Variants in TMEM132B observed in about 807,000 individuals in gnomAD.
The protein encoded by TMEM132B is transmembrane protein 132B.
Under a neutral mutation model 90.8 loss-of-function variants are expected in TMEM132B, and 18 were observed. The observed-to-expected ratio is 0.20, with a 90% CI of 0.14 to 0.29. The LOEUF is 0.29. Ranked by LOEUF, TMEM132B falls within the 10% of genes least tolerant of loss-of-function variation. The pLI is 1.00. For synonymous variants in TMEM132B, 504 were observed against 523.3 expected, an observed-to-expected ratio of 0.96 and a Z score of 0.50; for missense variants, 1,096 against 1,326.8, an observed-to-expected ratio of 0.83 and a Z score of 2.70.
chr12:125,260,913 C>T (rs923496105), intron 1 of TMEM132B, among the ~76,000 whole-genome samples: 2 of 123,686 alleles, frequency 1.6e-5, no homozygotes, highest in Non-Finnish European at 3.3e-5. Flanking sequence ...GAGACCCTGT[C>T]TCTACAGATT....
intron 1 of TMEM132B, among the ~76,000 whole-genome samples, chr12:125,221,010 C>T (rs184814643): frequency 1.3e-4 from 20 of 152,364 alleles, no homozygotes; most frequent in African/African-American, 3.8e-4. Context: ...GTGCGTGGCT[C>T]ATACCCTCAG....
chr12:125,201,620 T>C (rs138629740), intron 1 of TMEM132B, among the ~76,000 whole-genome samples: 2 of 152,236 alleles, frequency 1.3e-5, no homozygotes, highest in African/African-American at 4.8e-5. Context: ...TGGGTTTGAA[T>C]CCCAGCTCCA....
intron 1 of TMEM132B, among the ~76,000 whole-genome samples, chr12:125,276,979 A>G (rs1263411566): frequency 6.6e-6 from 1 of 152,174 alleles, no homozygotes; most frequent in Non-Finnish European, 1.5e-5. Context: ...TGCGATTTTA[A>G]CGTAGAGGTT....
In TMEM132B at chr12:125,490,702, G is replaced by A. The variant is rs778729990; in HGVS notation, c.1107-28737G>A. On this transcript the variant is annotated intron_variant, in intron 3 of 8. Transcript: ENST00000682704. This position sits in a 1 kb window ranked among gnomAD's most constrained non-coding sequence, Gnocchi z 4.2. ...AGGATGGTCTCGATCTCCTGACCTCGTGATCCGCCCGTCTTGGCCTCCCAA... is the reference window on the plus strand; with the variant it reads ...AGGATGGTCTCGATCTCCTGACCTCATGATCCGCCCGTCTTGGCCTCCCAA... Among the ~76,000 whole-genome samples the A allele has an allele frequency of 2.0e-5, 3 of 152,062 alleles. No individual in the cohort carries two copies. Among genetic ancestry groups the A allele is most frequent in the Non-Finnish European group, 4.4e-5 (3 of 68,020 alleles).
chr12:125,277,045 A>G lies in TMEM132B; in HGVS notation c.68-72407A>G, dbSNP rs61643282. On this transcript the variant is annotated intron_variant, in intron 1 of 8. Transcript: ENST00000682704. The surrounding 1 kb of genome is among the most constrained non-coding windows in gnomAD (Gnocchi z 4.3). The stretch of plus-strand genomic sequence containing the variant: ...GGGTACCGTGGGTTGAATTATGTCC[A>G]CCAAAACATATGTCCAAGTCCTAAC... Among the ~76,000 whole-genome samples, 377 of 152,316 alleles carry G rather than the reference A, an allele frequency of 2.5e-3. No homozygotes were observed. The highest frequency in any genetic ancestry group is 8.5e-3 in the African/African-American group (355 of 41,562).
chr12:125,361,375 C>T (rs908583321), intron 2 of TMEM132B, among the ~76,000 whole-genome samples: 2 of 152,152 alleles, frequency 1.3e-5, no homozygotes, highest in Admixed American at 6.5e-5. Flanking sequence ...CACTTCAAAG[C>T]TCATGCCTCT....
intron 1 of TMEM132B, among the ~76,000 whole-genome samples, chr12:125,298,678 A>AAG (rs1555237552): frequency 6.8e-6 from 1 of 147,844 alleles, no homozygotes; most frequent in African/African-American, 2.5e-5. Flanking sequence ...TGTCTCAAAA[A>AAG]AAAAAAAAAA....
At position 125,654,044 on chromosome 12, in the gene TMEM132B, G is replaced by A; in HGVS notation, c.2586G>A (p.Lys862=). The part of the protein sequence containing the change: ...STTPQSPMEG[K]NKLLKSGGPD... ...CCCCCCAGTCTCCCATGGAAGGGAA[G>A]AATAAGTTACTCAAAAGTGGTGGTC... The change falls in exon 9 of 9, where the codon AAG becomes AAA. Residue 862 remains lysine, a synonymous_variant. Coordinates refer to ENST00000682704, the MANE Select transcript of TMEM132B (RefSeq NM_001366854.1). This position sits in a 1 kb window ranked among gnomAD's most constrained non-coding sequence, Gnocchi z 5.8. 1.2e-6 allele frequency: 2 copies of A among 1,614,212 alleles called. No homozygotes were observed. The highest frequency in any genetic ancestry group is 1.7e-6 in the Non-Finnish European group (2 of 1,180,032).
chr12:125,461,656 T>C (rs1881438867), intron 3 of TMEM132B, among the ~76,000 whole-genome samples: 1 of 152,252 alleles, frequency 6.6e-6, no homozygotes, highest in South Asian at 2.1e-4. Flanking sequence ...CATTCCAGTT[T>C]GCAAACTTCA....
At chr12:125,296,982 G>A (rs1259407180) in intron 1 of TMEM132B, among the ~76,000 whole-genome samples, 1 of 152,246 alleles carries the variant, frequency 6.6e-6, no homozygotes, top group Admixed American at 6.5e-5. Flanking sequence ...GTCTGCACGA[G>A]CAGCTGTGAG....
intron 2 of TMEM132B, among the ~76,000 whole-genome samples, chr12:125,365,923 A>G (rs969412171): frequency 3.9e-5 from 6 of 152,090 alleles, no homozygotes; most frequent in African/African-American, 1.4e-4. Context: ...ATTGTTAACT[A>G]TAATTTCCCT....
intron 2 of TMEM132B, among the ~76,000 whole-genome samples, chr12:125,400,231 C>T (rs1879280588): frequency 6.6e-6 from 1 of 152,232 alleles, no homozygotes; most frequent in African/African-American, 2.4e-5. Context: ...CAAAGCTAGA[C>T]ACATAAGTTT....
intron 2 of TMEM132B, among the ~76,000 whole-genome samples, chr12:125,410,129 A>AGT (rs1566026587): frequency 4.3e-4 from 1 of 2,302 alleles, no homozygotes; most frequent in Non-Finnish European, 7.1e-4. Flanking sequence ...AGTGGAGTGG[A>AGT]GGAGTGGAGT....
chr12:125,547,631 C>T (rs747920433), intron 4 of TMEM132B, among the ~76,000 whole-genome samples: 4 of 152,094 alleles, frequency 2.6e-5, no homozygotes, highest in African/African-American at 9.7e-5. Context: ...CATTTGCCTC[C>T]CTGGTTTTGC....
Position 125,508,465 on chromosome 12 carries a change from G to A in TMEM132B, c.1107-10974G>A, listed in dbSNP as rs532394350. ...AAAATTGGCACTGATTGCAGTTGCA[G>A]CTGCCAACTAGCCCCTGGTAACCAG... is the stretch of plus-strand genomic sequence containing the variant. On this transcript the variant is annotated intron_variant, in intron 3 of 8. Transcript: ENST00000682704. Among the ~76,000 whole-genome samples, 3 of 152,322 alleles carry A rather than the reference G, an allele frequency of 2.0e-5. No homozygotes were observed. In the East Asian group the frequency reaches 5.8e-4, roughly 29 times the overall value.
chr12:125,563,147 GTAATAATAATAATAATAA>G lies in TMEM132B; in HGVS notation c.1294-20679_1294-20662del, dbSNP rs143547141. Reference sequence around the variant, plus strand: ...CAGTGATCACAGGTCACCATAATGCGTAATAATAATAATAATAATAATAATAATAATAATAATAATAAA... The same window carrying G: ...CAGTGATCACAGGTCACCATAATGCGTAATAATAATAATAATAATAATAAA... On this transcript the variant is annotated intron_variant, in intron 4 of 8. Transcript: ENST00000682704. Among the ~76,000 whole-genome samples the G allele has an allele frequency of 2.7e-4, 38 of 138,422 alleles. No homozygotes were observed. In the South Asian group the frequency reaches 6.4e-3, roughly 23 times the overall value. 90.8% of individuals were successfully genotyped at this position (138,422 alleles called of 152,430 possible).
intron 3 of TMEM132B, among the ~76,000 whole-genome samples, chr12:125,505,422 G>A (rs1387791067): frequency 6.6e-6 from 1 of 152,056 alleles, no homozygotes; most frequent in East Asian, 1.9e-4. Context: ...ACTGGGGCCG[G>A]GTGCGGGGGC....
At chr12:125,582,119 C>T (rs1217481586) in intron 4 of TMEM132B, among the ~76,000 whole-genome samples, 2 of 151,946 alleles carry the variant, frequency 1.3e-5, no homozygotes, top group African/African-American at 4.8e-5. Context: ...CTATTATTTG[C>T]AGGTTTAATA....
chr12:125,316,072 C>T (rs1440869689), intron 1 of TMEM132B, among the ~76,000 whole-genome samples: 1 of 152,216 alleles, frequency 6.6e-6, no homozygotes, highest in Admixed American at 6.5e-5. Context: ...TTCTCTCCAA[C>T]AAGCACTCCC....
Sources: gnomAD v4.1 joint callset for allele counts (sites outside exome capture counted in the v4.1 genomes callset) on GRCh38, gnomAD v4.1.1 for gene constraint, Gnocchi (gnomAD v3.1) non-coding constraint, MANE v1.5 for transcripts, NCBI Gene and HGNC (gene_info 2026-07-23, HGNC 2026-07-21) for gene names.